RGS6: variants seen among roughly 807,000 people sequenced by gnomAD.
RGS6 encodes regulator of G-protein signaling 6.
In RGS6, 30 loss-of-function variants were observed where a neutral mutation model predicts 78.5. The ratio of observed to expected loss-of-function variants is 0.38; its 90% CI spans 0.29 to 0.52. The LOEUF is 0.52. RGS6 is among the 20% of genes least tolerant of loss of function. The pLI is 0.85. For synonymous variants in RGS6, 206 were observed against 206.0 expected (o/e 1.00, Z 0.00); for missense variants, 495 against 609.7 (o/e 0.81, Z 1.98).
At chr14:72,346,552 A>G (rs1182633224) in intron 2 of RGS6, among the ~76,000 whole-genome samples, 1 of 152,230 alleles carries the variant, frequency 6.6e-6, no homozygotes, top group Non-Finnish European at 1.5e-5. Flanking sequence ...GACAGACAAC[A>G]TGGAGAGGAA....
chr14:72,550,205 T>C (rs766708341), intron 17 of RGS6, among the ~76,000 whole-genome samples: 1 of 152,238 alleles, frequency 6.6e-6, no homozygotes, highest in Non-Finnish European at 1.5e-5. Flanking sequence ...AGCAAAGTTT[T>C]AATAAGACAC....
At chr14:72,233,921 G>C (rs1600088777) in intron 2 of RGS6, among the ~76,000 whole-genome samples, 1 of 152,220 alleles carries the variant, frequency 6.6e-6, no homozygotes, top group South Asian at 2.1e-4. Flanking sequence ...CGAATAGTTA[G>C]AGTTCGTACT....
At chr14:71,982,618 TTGTCCTTTAAACTCTA>T (rs1181484195) in intron 2 of RGS6, among the ~76,000 whole-genome samples, 1 of 152,192 alleles carries the variant, frequency 6.6e-6, no homozygotes, top group East Asian at 1.9e-4. Context: ...CCTCTAATTT[TTGTCCTTTAAACTCTA>T]TGACACTGCC....
At chr14:72,517,015 G>A (rs1028450284) in intron 14 of RGS6, 2 of 142,782 alleles carry the variant, frequency 1.4e-5, no homozygotes, top group Non-Finnish European at 2.9e-5. Flanking sequence ...ACACACAGTC[G>A]TCTTGCCTTG....
chr14:72,061,756 CAG>C (rs1337431537), intron 2 of RGS6, among the ~76,000 whole-genome samples: 2 of 152,122 alleles, frequency 1.3e-5, no homozygotes, highest in Non-Finnish European at 2.9e-5. Flanking sequence ...ATATTTATAA[CAG>C]TACAGATTTG....
intron 2 of RGS6, among the ~76,000 whole-genome samples, chr14:72,066,354 T>C (rs767314556): frequency 2.0e-5 from 3 of 152,096 alleles, no homozygotes; most frequent in Non-Finnish European, 4.4e-5. Flanking sequence ...TATATATACC[T>C]CTGTATGTTA....
At chr14:72,417,750 G>A (rs754826778) in intron 3 of RGS6, among the ~76,000 whole-genome samples, 40 of 152,188 alleles carry the variant, frequency 2.6e-4, no homozygotes, top group Non-Finnish European at 4.3e-4. Context: ...GCTTAAATGA[G>A]TTCATCTGTG....
At chr14:72,517,673 G>A (rs1567035163) in intron 14 of RGS6, among the ~76,000 whole-genome samples, 2 of 152,176 alleles carry the variant, frequency 1.3e-5, no homozygotes, top group Non-Finnish European at 1.5e-5. Context: ...GCCAAGCACC[G>A]TGCTGAGCAC....
At chr14:72,567,639 T>C (rs1236305865), downstream of RGS6, among the ~76,000 whole-genome samples, 2 of 152,180 alleles carry the variant, frequency 1.3e-5, no homozygotes, top group Non-Finnish European at 2.9e-5. Context: ...GTCCTCTCCT[T>C]TGCTGCCAGC....
At chr14:72,202,560 G>A (rs531921513) in intron 2 of RGS6, among the ~76,000 whole-genome samples, 3 of 152,092 alleles carry the variant, frequency 2.0e-5, no homozygotes, top group African/African-American at 4.8e-5. Context: ...AAAATATCTC[G>A]CTCTCCTGAT....
chr14:72,167,651 A>T (rs1289311144), intron 2 of RGS6, among the ~76,000 whole-genome samples: 3 of 152,168 alleles, frequency 2.0e-5, no homozygotes, highest in Non-Finnish European at 4.4e-5. Flanking sequence ...CCCACCCATG[A>T]TTATTACTAT....
At chr14:72,086,908 G>T (rs1370099048) in intron 2 of RGS6, among the ~76,000 whole-genome samples, 4 of 152,078 alleles carry the variant, frequency 2.6e-5, no homozygotes, top group Non-Finnish European at 5.9e-5. Flanking sequence ...CAGCTAAATG[G>T]TCTCTGAATA....
chr14:72,390,056 C>T (rs1042509665), intron 3 of RGS6, among the ~76,000 whole-genome samples: 4 of 144,938 alleles, frequency 2.8e-5, no homozygotes, highest in African/African-American at 5.1e-5. Flanking sequence ...AAATGAATAC[C>T]AAATAAAACA....
At chr14:72,165,506 G>A (rs149670) in intron 2 of RGS6, among the ~76,000 whole-genome samples, 28,301 of 152,174 alleles carry the variant, frequency 0.19, 2,829 homozygotes, top group East Asian at 0.33. Flanking sequence ...ATTCAAAAGC[G>A]CATTGCTGGG....
At chr14:72,025,241 C>G (rs17105880) in intron 2 of RGS6, among the ~76,000 whole-genome samples, 12,479 of 151,834 alleles carry the variant, frequency 0.082, 566 homozygotes, top group East Asian at 0.17. Context: ...CCATTGAGCC[C>G]TCTGCTCCAA....
chr14:72,458,003 A>G (rs2095676007), intron 4 of RGS6, among the ~76,000 whole-genome samples: 2 of 152,200 alleles, frequency 1.3e-5, no homozygotes, highest in East Asian at 3.9e-4. Flanking sequence ...CTTGACCCTG[A>G]AGCCAGACTT....
intron 3 of RGS6, among the ~76,000 whole-genome samples, chr14:72,365,831 A>T (rs2082347124): frequency 6.6e-6 from 1 of 152,168 alleles, no homozygotes; most frequent in Admixed American, 6.5e-5. Context: ...GGAGGTTCCT[A>T]TACCCAAGAT....
chr14:72,414,966 G>A (rs930897391), intron 3 of RGS6, among the ~76,000 whole-genome samples: 5 of 152,170 alleles, frequency 3.3e-5, no homozygotes, highest in South Asian at 4.1e-4. Context: ...GCCCCTACTG[G>A]GGGGGTGCCT....
the RGS6 span, among the ~76,000 whole-genome samples, chr14:72,611,009 C>T: frequency 4.6e-5 from 7 of 152,238 alleles, no homozygotes; most frequent in Non-Finnish European, 1.0e-4. Context: ...AAACCAGACT[C>T]ACAGCCAAGC....
Sources: gnomAD v4.1 joint callset for allele counts (sites outside exome capture counted in the v4.1 genomes callset) on GRCh38, gnomAD v4.1.1 for gene constraint, MANE v1.5 for transcripts, NCBI Gene and HGNC (gene_info 2026-07-23, HGNC 2026-07-21) for gene names.